The following MGAM2 variants were observed in gnomAD, a reference collection of about 807,000 sequenced individuals.
MGAM2 encodes maltase-glucoamylase 2 (putative).
Under a neutral mutation model 96.1 loss-of-function variants are expected in MGAM2, and 98 were observed. That is an observed-to-expected ratio of 1.02 (90% CI 0.87 to 1.21). The LOEUF is 1.21. MGAM2 is among the 50% of genes most tolerant of loss of function. The pLI, the probability that MGAM2 is intolerant of heterozygous loss-of-function variation, is 0.00. For missense variants in MGAM2, 2,055 were observed against 1,182.4 expected, an observed-to-expected ratio of 1.74 and a Z score of -10.82; for synonymous variants, 749 against 414.8, an observed-to-expected ratio of 1.81 and a Z score of -9.79.
At chr7:142,217,704 C>T (rs1179677081) in intron 46 of MGAM2, among the ~76,000 whole-genome samples, 2 of 152,110 alleles carry the variant, frequency 1.3e-5, no homozygotes, top group African/African-American at 4.8e-5. Flanking sequence ...TGTTTGCTAA[C>T]ATACTAGGGT....
rs547571708 is a variant in MGAM2, at chr7:142,157,894, T to G, written c.1924-43T>G. The G allele has an allele frequency of 1.1e-5, 8 of 698,374 alleles. No individual in the cohort carries two copies. The Admixed American group carries it at 1.6e-4, about 14-fold the overall frequency. The allele number at this position is 698,374 out of a possible 1,614,324, so 43.3% of individuals were successfully genotyped here. A position where few individuals can be genotyped will look rare whatever the true frequency, so the allele number is the denominator to read the frequency against. On this transcript the variant is annotated intron_variant, in intron 17 of 47. Coordinates refer to ENST00000477922, the MANE Select transcript of MGAM2 (RefSeq NM_001293626.2). The stretch of plus-strand genomic sequence containing the variant: ...TTATTGTAAGAGAACTTCTGAACTA[T>G]GATGGAAAGAAATATTCAGCCATTC...
chr7:142,207,693 T>C (rs1797452461), intron 45 of MGAM2, among the ~76,000 whole-genome samples: 3 of 152,130 alleles, frequency 2.0e-5, no homozygotes, highest in Admixed American at 1.3e-4. Flanking sequence ...CCTCCCAAAA[T>C]GCTGGGATTA....
rs117917226 is a variant in MGAM2 at position 142,166,973 on chromosome 7, T to C, written c.2809-295T>C. Among the ~76,000 whole-genome samples, 68 of 152,308 alleles carry C rather than the reference T, an allele frequency of 4.5e-4. No homozygotes were observed. The East Asian group carries it at 0.012, about 26-fold the overall frequency. ...CTCTCTGTCTTCATAGTCACATGTG[T>C]ACATGTCTATCTCTGTGTCCAAATT... On this transcript the variant is annotated intron_variant, in intron 25 of 47. Coordinates refer to ENST00000477922, the MANE Select transcript of MGAM2 (RefSeq NM_001293626.2).
intron 26 of MGAM2, among the ~76,000 whole-genome samples, 180 bp from the exon 27 acceptor site, chr7:142,169,895 T>G (rs1291540067): frequency 6.6e-6 from 1 of 152,122 alleles, no homozygotes; most frequent in African/African-American, 2.4e-5. Context: ...TTTTTGAACT[T>G]CAGCATCTGT....
Position 142,146,461 on chromosome 7 carries a change from A to G in MGAM2, c.1517-995A>G, listed in dbSNP as rs141437975. Among the ~76,000 whole-genome samples the G allele has an allele frequency of 2.5e-3, 373 of 152,150 alleles. 2 individuals carry two copies. Among genetic ancestry groups the G allele is most frequent in the African/African-American group, 8.6e-3 (358 of 41,492 alleles). ...CAGCTCCAAACCTTGATTCTGTTAT[A>G]CTGCGTAGGAAAAACTCAACCTCAG... On this transcript the variant is annotated intron_variant, in intron 14 of 47. Transcript: ENST00000477922.
At chr7:142,150,186 C>A (rs1239250026) in intron 15 of MGAM2, among the ~76,000 whole-genome samples, 1 of 152,082 alleles carries the variant, frequency 6.6e-6, no homozygotes, top group Non-Finnish European at 1.5e-5. Context: ...GGTGATCCGC[C>A]CACCTCGGCT....
At chr7:142,172,824 A>T in intron 30 of MGAM2, 60 bp downstream of exon 30, 1 of 642,838 alleles carries the variant, frequency 1.6e-6, no homozygotes, top group Non-Finnish European at 2.8e-6. Flanking sequence ...TTACCACATT[A>T]TTAGCACTGA....
At chr7:142,154,249 A>G in intron 16 of MGAM2, 60 bp downstream of exon 16, 1 of 533,160 alleles carries the variant, frequency 1.9e-6, no homozygotes. Context: ...TCTTTTAATT[A>G]GCAGTCTTAG....
At chr7:142,140,535 A>G (rs1267217670) in intron 10 of MGAM2, among the ~76,000 whole-genome samples, 3 of 152,160 alleles carry the variant, frequency 2.0e-5, no homozygotes, top group African/African-American at 7.2e-5. Flanking sequence ...AGTTAAAGAG[A>G]TGAACAAGAT....
intron 32 of MGAM2, among the ~76,000 whole-genome samples, chr7:142,181,836 T>G (rs1369745346): frequency 1.3e-5 from 2 of 152,190 alleles, no homozygotes; most frequent in Non-Finnish European, 2.9e-5. Flanking sequence ...TGATCCAGTA[T>G]TTTCTGCACA....
At chr7:142,172,907 T>G in intron 30 of MGAM2, 143 bp downstream of exon 30, 1 of 563,546 alleles carries the variant, frequency 1.8e-6, no homozygotes, top group East Asian at 2.8e-5. Flanking sequence ...AAATCATATT[T>G]TAGTATTATG....
chr7:142,147,481 A>G lies in MGAM2; in HGVS notation c.1542A>G (p.Ala514=). The part of the protein sequence containing the change: ...LPRVLDHLLF[A]RTLCMDTEFH... ...GAGTTCTGGATCACTTACTTTTTGC[A>G]AGAACTCTCTGCATGGACACGGAGT... Residue 514 remains alanine (A), a synonymous_variant, in exon 15 of 48, where the codon GCA becomes GCG. Transcript: ENST00000477922. 1.4e-6 allele frequency: 1 copy of G among 702,416 alleles called. No homozygotes were observed. The highest frequency in any genetic ancestry group is 2.6e-6 in the Non-Finnish European group (1 of 384,776). The allele number at this position is 702,416 out of a possible 1,614,324, so 43.5% of individuals were successfully genotyped here.
intron 37 of MGAM2, among the ~76,000 whole-genome samples, chr7:142,194,696 A>ATGTGTGTGTGTGTGTG (rs72262078): frequency 5.9e-4 from 81 of 138,456 alleles, no homozygotes; most frequent in African/African-American, 2.1e-3. Context: ...ACATGTGTGT[A>ATGTGTGTGTGTGTGTG]TGTGTGTGTG....
intron 12 of MGAM2, among the ~76,000 whole-genome samples, chr7:142,142,087 T>C (rs1263364676): frequency 6.6e-6 from 1 of 152,142 alleles, no homozygotes; most frequent in African/African-American, 2.4e-5. Flanking sequence ...CTTTTCAGGG[T>C]TATGGATGAT....
intron 2 of MGAM2, among the ~76,000 whole-genome samples, chr7:142,118,198 C>T (rs1165164791): frequency 6.6e-6 from 1 of 152,092 alleles, no homozygotes; most frequent in East Asian, 1.9e-4. Flanking sequence ...TGACAACTAC[C>T]ATTCTCTTCT....
intron 10 of MGAM2, among the ~76,000 whole-genome samples, chr7:142,139,803 G>GT (rs1387819749): frequency 1.3e-5 from 2 of 150,626 alleles, no homozygotes; most frequent in Admixed American, 6.6e-5. Context: ...AATTTTTCCT[G>GT]TAAAAAAAAA....
At chr7:142,218,614 A>C in intron 47 of MGAM2, 83 bp downstream of exon 47, 2 of 580,264 alleles carry the variant, frequency 3.4e-6, no homozygotes, top group South Asian at 4.6e-5. Flanking sequence ...GCTAACAATT[A>C]AAATTATCAT....
At chr7:142,128,833 T>C (rs779280000) in intron 3 of MGAM2, among the ~76,000 whole-genome samples, 94 of 152,158 alleles carry the variant, frequency 6.2e-4, no homozygotes, top group Non-Finnish European at 8.5e-4. Context: ...GCTAGGGCAG[T>C]GCGGAAGGGA....
At chr7:142,190,273 T>C (rs1200501693) in intron 37 of MGAM2, among the ~76,000 whole-genome samples, 4 of 127,132 alleles carry the variant, frequency 3.1e-5, no homozygotes, top group Non-Finnish European at 6.8e-5. Flanking sequence ...TTTACTTTTT[T>C]TTTTTTTTTT....
Sources: allele counts gnomAD v4.1 joint callset (sites outside exome capture counted in the v4.1 genomes callset), GRCh38; gene constraint gnomAD v4.1.1; transcripts MANE v1.5; gene names NCBI Gene and HGNC (gene_info 2026-07-23, HGNC 2026-07-21).